The following MTM1 variants were observed in gnomAD, a reference collection of about 807,000 sequenced individuals.
The protein encoded by MTM1 is myotubularin 1, also known as myotubularin.
Under a neutral mutation model 52.1 loss-of-function variants are expected in MTM1, and 9 were observed. The ratio of observed to expected loss-of-function variants is 0.17; its 90% confidence interval spans 0.10 to 0.30. The LOEUF (loss-of-function observed/expected upper bound fraction) is 0.30, where lower values mean the gene tolerates loss of function less well. Ranked by LOEUF, MTM1 falls within the 10% of genes least tolerant of loss-of-function variation. MTM1 has a pLI of 1.00. For missense variants in MTM1, 277 were observed against 470.7 expected, an observed-to-expected ratio of 0.59 and a Z score of 3.81; for synonymous variants, 136 against 163.8, an observed-to-expected ratio of 0.83 and a Z score of 1.29.
In MTM1 at chrX:150,599,724, T is replaced by G. The variant is rs1210655668; in HGVS notation, c.231+1038T>G. Among the ~76,000 whole-genome samples, 5 of 112,011 alleles carry G rather than the reference T, an allele frequency of 4.5e-5. No individual in the cohort carries two copies. In the East Asian group the frequency reaches 1.4e-3, roughly 31 times the overall value. On this transcript the variant is annotated intron_variant, in intron 4 of 14. Transcript: ENST00000370396. ...CCACTTTTATAGCTGCCCCAACTTC[T>G]GGAATCTCCTCTGGCACAGTGCTTG...
intron 6 of MTM1, among the ~76,000 whole-genome samples, chrX:150,622,194 CAAA>C (rs10717650): frequency 2.2e-4 from 15 of 68,005 alleles, no homozygotes; most frequent in African/African-American, 4.9e-4. Flanking sequence ...AAGAAACTGC[CAAA>C]AAAAAAAAAA....
intron 13 of MTM1, 48 bp from the exon 14 acceptor site, chrX:150,663,385 G>A: frequency 8.4e-7 from 1 of 1,188,988 alleles, no homozygotes; most frequent in Non-Finnish European, 1.1e-6. Flanking sequence ...GTGGATTTAT[G>A]TGTGTTTTTA....
chrX:150,640,016 T>C (rs1187230310), intron 7 of MTM1, among the ~76,000 whole-genome samples: 3 of 111,443 alleles, frequency 2.7e-5, no homozygotes, highest in Non-Finnish European at 3.8e-5. Flanking sequence ...TTAGAACATA[T>C]GTGACATAGT....
At chrX:150,595,160 A>G (rs1603122374) in intron 2 of MTM1, among the ~76,000 whole-genome samples, 1 of 111,842 alleles carries the variant, frequency 8.9e-6, no homozygotes, top group East Asian at 2.8e-4. Context: ...CCATTTGCAT[A>G]GCCTCTGATA....
At chrX:150,649,277 A>G (rs1557414109) in intron 9 of MTM1, among the ~76,000 whole-genome samples, 1 of 112,463 alleles carries the variant, frequency 8.9e-6, no homozygotes, top group Non-Finnish European at 1.9e-5. Context: ...TTTTCCTCTA[A>G]TGCATCACGT....
rs149606063 is a variant in MTM1, at chrX:150,614,026, A to G, written c.232-563A>G. Among the ~76,000 whole-genome samples, 152 of 112,384 alleles carry G rather than the reference A, an allele frequency of 1.4e-3. 1 individual carries two copies. The highest frequency in any genetic ancestry group is 4.7e-3 in the African/African-American group (147 of 30,956). On this transcript the variant is annotated intron_variant, in intron 4 of 14. Coordinates refer to ENST00000370396, the MANE Select transcript of MTM1 (RefSeq NM_000252.3). ...CAAGGCAGAGTGAAGCAAGTGGTTA[A>G]CAGCAGTCGGAATCAAGTGCTATGG... is the stretch of plus-strand genomic sequence containing the variant.
intron 4 of MTM1, among the ~76,000 whole-genome samples, chrX:150,607,040 G>A (rs1051652396): frequency 3.0e-5 from 3 of 101,493 alleles, no homozygotes; most frequent in African/African-American, 7.2e-5. Context: ...GTGCAGTGGC[G>A]TGATCTCGGC....
chrX:150,583,284 TATATATAAA>T lies in MTM1; in HGVS notation c.-10-9320_-10-9312del, dbSNP rs1557411969. ...ATATAAATTATATATAAATTATAAATATATATAAATTATATATATTATATATAATTATAA... is the reference window on the plus strand; with the variant it reads ...ATATAAATTATATATAAATTATAAATTTATATATATTATATATAATTATAA... On this transcript the variant is annotated intron_variant, in intron 1 of 14. Coordinates refer to ENST00000370396, the MANE Select transcript of MTM1 (RefSeq NM_000252.3). Among the ~76,000 whole-genome samples, 46 of 59,246 alleles carry T rather than the reference TATATATAAA, an allele frequency of 7.8e-4. 3 individuals carry two copies. The highest frequency in any genetic ancestry group is 2.0e-3 in the Admixed American group (6 of 3,068). 51.4% of individuals were successfully genotyped at this position (59,246 alleles called of 115,157 possible).
chrX:150,641,285 A>C lies in MTM1; in HGVS notation c.545A>C (p.His182Pro). Reference sequence around the variant, plus strand: ...TCCTCACAGGGCTTGCCCAATCACCATTGGAGAATAACTTTTATTAATAAG... The same window carrying C: ...TCCTCACAGGGCTTGCCCAATCACCCTTGGAGAATAACTTTTATTAATAAG... ...EYRRQGLPNHHWRITFINKCY... is the reference protein window; with the variant it reads ...EYRRQGLPNHPWRITFINKCY... Residue 182 changes from histidine to proline, a missense_variant, in exon 8 of 15, where the codon CAT becomes CCT. Physicochemically the swap from His to Pro is moderately conservative, Grantham distance 77. This residue lies in a region of MTM1 where 164 missense variants were observed against 283.3 expected (regional missense o/e 0.58). Coordinates refer to ENST00000370396, the MANE Select transcript of MTM1 (RefSeq NM_000252.3). 8.3e-7 allele frequency: 1 copy of C among 1,211,177 alleles called. No individual in the cohort carries two copies. The highest frequency in any genetic ancestry group is 1.1e-6 in the Non-Finnish European group (1 of 895,288).
chrX:150,667,088 G>A (rs782675619), intron 14 of MTM1, among the ~76,000 whole-genome samples: 20 of 111,847 alleles, frequency 1.8e-4, no homozygotes, highest in African/African-American at 5.8e-4. Flanking sequence ...CATGCCACTC[G>A]CCTGCTAGAA....
At chrX:150,597,666 T>G (rs2039000693) in intron 3 of MTM1, among the ~76,000 whole-genome samples, 1 of 112,018 alleles carries the variant, frequency 8.9e-6, no homozygotes, top group Non-Finnish European at 1.9e-5. Flanking sequence ...ATTTCTATTA[T>G]AATTAATTAT....
intron 7 of MTM1, among the ~76,000 whole-genome samples, chrX:150,639,709 G>A (rs2039816596): frequency 8.9e-6 from 1 of 112,421 alleles, no homozygotes; most frequent in Non-Finnish European, 1.9e-5. Context: ...AACCAAATCT[G>A]TAGGCAGCTA....
intron 1 of MTM1, among the ~76,000 whole-genome samples, chrX:150,588,839 C>G (rs1278760160): frequency 8.9e-6 from 1 of 111,861 alleles, no homozygotes; most frequent in African/African-American, 3.3e-5. Context: ...CTGGACCATC[C>G]TGATCAGCCA....
chrX:150,637,416 C>T (rs954397035), intron 6 of MTM1, among the ~76,000 whole-genome samples: 3 of 111,080 alleles, frequency 2.7e-5, no homozygotes, highest in African/African-American at 3.3e-5. Flanking sequence ...TGTCTTCATT[C>T]GGTCAGCGAG....
chrX:150,571,479 G>A (rs2038375080), intron 1 of MTM1, among the ~76,000 whole-genome samples: 1 of 111,903 alleles, frequency 8.9e-6, no homozygotes, highest in South Asian at 3.7e-4. Context: ...AATAATAATA[G>A]TACCTTTCTC....
At chrX:150,583,656 ATT>A (rs1491115078) in intron 1 of MTM1, among the ~76,000 whole-genome samples, 2 of 38,465 alleles carry the variant, frequency 5.2e-5, no homozygotes, top group Non-Finnish European at 8.3e-5. Flanking sequence ...ATTTATATAT[ATT>A]ATATATAATT....
At chrX:150,598,448 T>C (rs2039015647) in intron 3 of MTM1, 144 bp from the exon 4 acceptor site, 1 of 443,107 alleles carries the variant, frequency 2.3e-6, no homozygotes, top group South Asian at 3.4e-5. Context: ...GTAGAAACAT[T>C]GCCAGTGCTT....
chrX:150,652,694 C>T lies in MTM1; in HGVS notation c.1053+2793C>T, dbSNP rs782378203. Reference sequence around the variant, plus strand: ...ACACACACACACACACACACACACACATACATACAGAATTTAGAAAGGTAT... The same window carrying T: ...ACACACACACACACACACACACACATATACATACAGAATTTAGAAAGGTAT... On this transcript the variant is annotated intron_variant, in intron 10 of 14. Transcript: ENST00000370396. Among the ~76,000 whole-genome samples the T allele has an allele frequency of 3.1e-3, 277 of 89,930 alleles. 2 individuals carry two copies. Among genetic ancestry groups the T allele is most frequent in the African/African-American group, 0.011 (266 of 23,519 alleles). 78.1% of individuals were successfully genotyped at this position (89,930 alleles called of 115,157 possible). A position where few individuals can be genotyped will look rare whatever the true frequency, so the allele number is the denominator to read the frequency against.
Position 150,671,613 on chromosome X carries a change from G to A in MTM1, c.*18G>A, listed in dbSNP as rs371814294. 4 of 1,205,428 alleles carry A rather than the reference G, an allele frequency of 3.3e-6. No individual in the cohort carries two copies. Among genetic ancestry groups the A allele is most frequent in the South Asian group, 1.8e-5 (1 of 56,660 alleles). On this transcript the variant is annotated 3_prime_UTR_variant, in exon 15 of 15. Transcript: ENST00000370396. ...ACTTCTGAGGGGGGACCCTGGCACC[G>A]CATTAGAGCTCGAAATAAAGGCGAT...
Sources: allele counts gnomAD v4.1 joint callset (sites outside exome capture counted in the v4.1 genomes callset), GRCh38; gene constraint gnomAD v4.1.1; regional missense constraint gnomAD v4.1.1; transcripts MANE v1.5; gene names NCBI Gene and HGNC (gene_info 2026-07-23, HGNC 2026-07-21).